Variants in CBR4 observed in about 807,000 individuals in gnomAD.
CBR4 encodes 3-oxoacyl-[acyl-carrier-protein] reductase.
CBR4 carries 22 observed loss-of-function variants against 21.0 expected under a neutral mutation model. The observed-to-expected ratio is 1.05, with a 90% CI of 0.75 to 1.50. The LOEUF (loss-of-function observed/expected upper bound fraction) is 1.50, where lower values mean the gene tolerates loss of function less well. CBR4 is among the 40% of genes most tolerant of loss of function. The pLI, the probability that CBR4 is intolerant of heterozygous loss-of-function variation, is 0.00. For missense variants in CBR4, 302 were observed against 286.3 expected, an observed-to-expected ratio of 1.05 and a Z score of -0.40; for synonymous variants, 100 against 104.4, an observed-to-expected ratio of 0.96 and a Z score of 0.26.
At chr4:168,938,081 A>C (rs1335613604) in intron 2 of CBR4, among the ~76,000 whole-genome samples, 2 of 152,236 alleles carry the variant, frequency 1.3e-5, no homozygotes, top group East Asian at 3.8e-4. Context: ...CTCTTAGGCA[A>C]ATGCAAAAGA....
chr4:168,909,935 G>C (rs1229213826), intron 2 of CBR4, among the ~76,000 whole-genome samples: 1 of 152,036 alleles, frequency 6.6e-6, no homozygotes, highest in African/African-American at 2.4e-5. Flanking sequence ...AAATGCTCCT[G>C]GTTATGTATT....
At chr4:168,965,004 A>G (rs2126737585) in intron 2 of CBR4, among the ~76,000 whole-genome samples, 1 of 152,310 alleles carries the variant, frequency 6.6e-6, no homozygotes, top group South Asian at 2.1e-4. Context: ...GTATATTTAG[A>G]AACCCCATCA....
chr4:168,906,898 A>C (rs1200610405), intron 2 of CBR4, among the ~76,000 whole-genome samples: 1 of 152,198 alleles, frequency 6.6e-6, no homozygotes, highest in East Asian at 1.9e-4. Flanking sequence ...GAAGGAAATA[A>C]AAAAGAAATG....
At chr4:168,933,518 ATAT>A (rs541758280) in intron 2 of CBR4, among the ~76,000 whole-genome samples, 2 of 152,176 alleles carry the variant, frequency 1.3e-5, no homozygotes, top group Non-Finnish European at 2.9e-5. Context: ...TATAAAGCAA[ATAT>A]TATTAGATCT....
At chr4:168,919,261 C>T (rs1487129779) in intron 2 of CBR4, among the ~76,000 whole-genome samples, 4 of 152,100 alleles carry the variant, frequency 2.6e-5, no homozygotes, top group Non-Finnish European at 4.4e-5. Context: ...ACGTGGGTCA[C>T]GCCTGTAATC....
intron 2 of CBR4, among the ~76,000 whole-genome samples, chr4:168,970,075 C>T (rs1291414114): frequency 1.3e-5 from 2 of 152,128 alleles, no homozygotes; most frequent in Non-Finnish European, 2.9e-5. Context: ...ATCTTTTGCC[C>T]ATTTTCCTAA....
chr4:168,995,033 C>T (rs548184601), intron 4 of CBR4, among the ~76,000 whole-genome samples: 4 of 152,176 alleles, frequency 2.6e-5, no homozygotes, highest in South Asian at 2.1e-4. Context: ...GGATTACAGG[C>T]GTGAGCCACC....
chr4:168,922,030 A>G (rs1010891561), intron 2 of CBR4, among the ~76,000 whole-genome samples: 2 of 151,610 alleles, frequency 1.3e-5, no homozygotes, highest in Non-Finnish European at 2.9e-5. Flanking sequence ...AGAAATAGTA[A>G]CAGCAGCATG....
chr4:168,936,629 G>C (rs1429831896), intron 2 of CBR4, among the ~76,000 whole-genome samples: 1 of 152,076 alleles, frequency 6.6e-6, no homozygotes, highest in Non-Finnish European at 1.5e-5. Context: ...CGAGAACTTC[G>C]TGAAGTATAC....
At chr4:168,983,837 G>C (rs1218644587), downstream of CBR4, among the ~76,000 whole-genome samples, 3 of 151,850 alleles carry the variant, frequency 2.0e-5, no homozygotes, top group South Asian at 6.2e-4. Flanking sequence ...ACAGAGAAAA[G>C]GCTTTAGGTA....
rs1171841834 is a variant in CBR4, at chr4:168,924,107, T to C, written n.170-29342A>G. On this transcript the variant is annotated intron_variant and non_coding_transcript_variant, in intron 2 of 3. Coordinates refer to the CBR4 transcript ENST00000509108. Reference sequence around the variant, plus strand: ...AGACCTTTGCTTGGTAAAAGAATAATTTGGAGAGGGGACTAGCATCTTACC... The same window carrying C: ...AGACCTTTGCTTGGTAAAAGAATAACTTGGAGAGGGGACTAGCATCTTACC... 7.4e-6 allele frequency: 5 copies of C among 678,964 alleles called. No homozygotes were observed. The Admixed American group carries it at 9.9e-5, about 13-fold the overall frequency. 42.1% of individuals were successfully genotyped at this position (678,964 alleles called of 1,614,324 possible). A position where few individuals can be genotyped will look rare whatever the true frequency, so the allele number is the denominator to read the frequency against.
intron 2 of CBR4, among the ~76,000 whole-genome samples, chr4:168,970,394 G>A (rs1449218249): frequency 6.6e-6 from 1 of 152,074 alleles, no homozygotes; most frequent in Non-Finnish European, 1.5e-5. Context: ...TGTATCATGT[G>A]AAGAACCAAT....
chr4:168,896,911 A>G (rs746076513), intron 2 of CBR4, among the ~76,000 whole-genome samples: 1 of 152,030 alleles, frequency 6.6e-6, no homozygotes, highest in African/African-American at 2.4e-5. Flanking sequence ...GGCTCACTGC[A>G]ACCTCTGTCT....
At chr4:168,975,290 C>T (rs577477524) in intron 2 of CBR4, among the ~76,000 whole-genome samples, 115 of 152,348 alleles carry the variant, frequency 7.5e-4, no homozygotes, top group Non-Finnish European at 1.5e-3. Context: ...GATACCAGCA[C>T]CTGCTCCATT....
intron 2 of CBR4, among the ~76,000 whole-genome samples, chr4:168,963,050 T>C (rs1267059959): frequency 6.6e-6 from 1 of 152,172 alleles, no homozygotes; most frequent in East Asian, 1.9e-4. Flanking sequence ...GTTTAAATAA[T>C]TGTCCAAATA....
At chr4:168,959,516 C>T (rs1288292811) in intron 2 of CBR4, among the ~76,000 whole-genome samples, 7 of 148,878 alleles carry the variant, frequency 4.7e-5, no homozygotes, top group Non-Finnish European at 5.9e-5. Context: ...TGGCTAATCT[C>T]GGTGGTTTAC....
chr4:168,896,588 G>T lies in CBR4; in HGVS notation n.170-1823C>A, dbSNP rs991371952. On this transcript the variant is annotated intron_variant and non_coding_transcript_variant, in intron 2 of 3. Coordinates refer to the CBR4 transcript ENST00000509108. ...TCATGCTTCTGTAGGGAGTCCTCTG[G>T]ATGGTCAAAAGGTTAAGCTTTTCAC... The T allele has an allele frequency of 2.0e-6, 3 of 1,514,568 alleles. No homozygotes were observed. In the African/African-American group the frequency reaches 4.1e-5, roughly 21 times the overall value. The allele number at this position is 1,514,568 out of a possible 1,614,324, so 93.8% of individuals were successfully genotyped here.
chr4:168,906,621 G>C (rs971376154), intron 2 of CBR4, among the ~76,000 whole-genome samples: 1 of 151,986 alleles, frequency 6.6e-6, no homozygotes, highest in African/African-American at 2.4e-5. Flanking sequence ...GAATAAAAAA[G>C]AAATTTTTGT....
intron 4 of CBR4, among the ~76,000 whole-genome samples, chr4:168,999,214 T>C (rs1165955240): frequency 6.6e-6 from 1 of 152,120 alleles, no homozygotes; most frequent in East Asian, 1.9e-4. Context: ...GCTTTTCCTG[T>C]TATAATTTGC....
Sources: allele counts gnomAD v4.1 joint callset (sites outside exome capture counted in the v4.1 genomes callset), GRCh38; gene constraint gnomAD v4.1.1; transcripts MANE v1.5; gene names NCBI Gene and HGNC (gene_info 2026-07-23, HGNC 2026-07-21).